Variants in THRAP3 observed in about 807,000 individuals in gnomAD.
The protein encoded by THRAP3 is thyroid hormone receptor-associated protein 3.
Under a neutral mutation model 101.0 loss-of-function variants are expected in THRAP3, and 16 were observed. That is an observed-to-expected ratio of 0.16 (90% CI 0.11 to 0.24). THRAP3 has a LOEUF of 0.24. Ranked by LOEUF, THRAP3 falls within the 10% of genes least tolerant of loss-of-function variation. THRAP3 has a pLI of 1.00. For synonymous variants in THRAP3, 407 were observed against 422.6 expected (o/e 0.96, Z 0.45); for missense variants, 989 against 1,202.7 (o/e 0.82, Z 2.63).
At chr1:36,268,810 C>A (rs756564723) in intron 2 of THRAP3, among the ~76,000 whole-genome samples, 1 of 151,834 alleles carries the variant, frequency 6.6e-6, no homozygotes, top group Non-Finnish European at 1.5e-5. Flanking sequence ...ACTGCAAGCT[C>A]CACCTCCCAG....
At chr1:36,253,507 A>G (rs1040661932) in intron 1 of THRAP3, among the ~76,000 whole-genome samples, 19 of 152,174 alleles carry the variant, frequency 1.2e-4, no homozygotes, top group Non-Finnish European at 2.4e-4. Context: ...AAGTAATTTG[A>G]CATTTCTTGA....
chr1:36,258,366 A>G (rs1645402385), intron 1 of THRAP3, among the ~76,000 whole-genome samples: 1 of 152,226 alleles, frequency 6.6e-6, no homozygotes, highest in Non-Finnish European at 1.5e-5. Flanking sequence ...TGAGTTTTTT[A>G]AAGTGCTATA....
upstream of THRAP3, among the ~76,000 whole-genome samples, chr1:36,220,997 A>G (rs1349511921): frequency 7.1e-6 from 1 of 140,220 alleles, no homozygotes; most frequent in Non-Finnish European, 1.5e-5. Context: ...ATATATATAT[A>G]TAGTGAGACC....
rs1204566895 is a variant in THRAP3 at position 36,282,173 on chromosome 1, A to C, written c.-31-360A>C. ...CCTGGACTTAAGCAGTCCTCCTCCT[A>C]CCTTGGCCTCCCAGTGCACTGGGAT... On this transcript the variant is annotated intron_variant, in intron 2 of 11. Transcript: ENST00000354618. Among the ~76,000 whole-genome samples the C allele has an allele frequency of 2.0e-5, 3 of 151,114 alleles. No individual in the cohort carries two copies. The East Asian group carries it at 5.9e-4, about 30-fold the overall frequency.
At chr1:36,221,012 C>T (rs1644900868), upstream of THRAP3, among the ~76,000 whole-genome samples, 1 of 129,460 alleles carries the variant, frequency 7.7e-6, no homozygotes, top group African/African-American at 3.0e-5. Context: ...GAGACCTCAT[C>T]TCTACAAAAT....
chr1:36,279,082 G>A (rs572134414), intron 2 of THRAP3, among the ~76,000 whole-genome samples: 21 of 152,276 alleles, frequency 1.4e-4, no homozygotes, highest in African/African-American at 4.6e-4. Flanking sequence ...AGCTTAATAT[G>A]TGCAGAATTG....
At chr1:36,245,197 C>T (rs186324220) in intron 1 of THRAP3, among the ~76,000 whole-genome samples, 142 of 148,080 alleles carry the variant, frequency 9.6e-4, no homozygotes, top group Middle Eastern at 6.8e-3. Context: ...GACAGAATCT[C>T]ACTCTGTTGC....
At chr1:36,237,919 T>C (rs1342391906) in intron 1 of THRAP3, among the ~76,000 whole-genome samples, 1 of 152,170 alleles carries the variant, frequency 6.6e-6, no homozygotes, top group Non-Finnish European at 1.5e-5. Context: ...ACTCCTGAGC[T>C]TAAGTGATCT....
chr1:36,278,438 T>C (rs932921159), intron 2 of THRAP3, among the ~76,000 whole-genome samples: 12 of 152,148 alleles, frequency 7.9e-5, no homozygotes, highest in African/African-American at 2.7e-4. Context: ...AAAACGCATC[T>C]GTTTTCAAGA....
chr1:36,217,823 G>T, the THRAP3 span, among the ~76,000 whole-genome samples: 1 of 152,072 alleles, frequency 6.6e-6, no homozygotes, highest in African/African-American at 2.4e-5. Context: ...TCCACCAACT[G>T]GCCATTCCCT....
intron 2 of THRAP3, among the ~76,000 whole-genome samples, chr1:36,262,493 T>C (rs1230676283): frequency 6.6e-6 from 1 of 152,244 alleles, no homozygotes; most frequent in Non-Finnish European, 1.5e-5. Flanking sequence ...GATGATTTGA[T>C]CTTAAAAAGA....
chr1:36,256,210 G>A (rs4422970), intron 1 of THRAP3, among the ~76,000 whole-genome samples: 90,486 of 139,082 alleles, frequency 0.65, 29,766 homozygotes, highest in East Asian at 0.9. Context: ...TATTATTATT[G>A]TTATTATTGT....
rs1404805622 is a variant in THRAP3 at position 36,224,476 on chromosome 1, C to G, written c.-164C>G. On this transcript the variant is annotated 5_prime_UTR_variant, in exon 1 of 12. Coordinates refer to ENST00000354618, the MANE Select transcript of THRAP3 (RefSeq NM_005119.4). ...TTCGGGCTGGTTGTTCCGTTGCGAG[C>G]TGCAGCTGCGATCTCTGTGGTAGGC... 2 of 152,962 alleles carry G rather than the reference C, an allele frequency of 1.3e-5. No homozygotes were observed. Among genetic ancestry groups the G allele is most frequent in the Non-Finnish European group, 2.9e-5 (2 of 68,476 alleles). The allele number at this position is 152,962 out of a possible 1,614,324, so 9.5% of individuals were successfully genotyped here.
intron 2 of THRAP3, among the ~76,000 whole-genome samples, chr1:36,269,633 G>A (rs1302543390): frequency 6.6e-6 from 1 of 152,132 alleles, no homozygotes; most frequent in Non-Finnish European, 1.5e-5. Flanking sequence ...TTGTGCAGTG[G>A]AGCAATCATT....
chr1:36,260,524 CATTA>C (rs776388542), intron 2 of THRAP3, among the ~76,000 whole-genome samples: 18 of 152,214 alleles, frequency 1.2e-4, no homozygotes, highest in Non-Finnish European at 2.1e-4. Flanking sequence ...CACATGCCAA[CATTA>C]ATTGTCACTC....
chr1:36,248,784 G>T (rs1333884679), intron 1 of THRAP3, among the ~76,000 whole-genome samples: 1 of 151,848 alleles, frequency 6.6e-6, no homozygotes, highest in African/African-American at 2.4e-5. Context: ...ATTATCTTGG[G>T]GCTCAAACTT....
chr1:36,251,319 A>T (rs911263680), intron 1 of THRAP3, among the ~76,000 whole-genome samples: 1 of 152,200 alleles, frequency 6.6e-6, no homozygotes, highest in Admixed American at 6.5e-5. Context: ...AGTCTGATCT[A>T]CTGGACCGGG....
In THRAP3 at chr1:36,258,693, A is replaced by G. The variant is rs946280490; in HGVS notation, c.-134-689A>G. Among the ~76,000 whole-genome samples, 7 of 152,002 alleles carry G rather than the reference A, an allele frequency of 4.6e-5. No homozygotes were observed. In the East Asian group the frequency reaches 1.4e-3, roughly 30 times the overall value. Reference sequence around the variant, plus strand: ...ACGGGATTCCACCATATTAGCCAGGATGATCTCGATCTCCTGACCTCGTGA... The same window carrying G: ...ACGGGATTCCACCATATTAGCCAGGGTGATCTCGATCTCCTGACCTCGTGA... On this transcript the variant is annotated intron_variant, in intron 1 of 11. Transcript: ENST00000354618.
upstream of THRAP3, among the ~76,000 whole-genome samples, chr1:36,220,351 A>C (rs1644895878): frequency 1.3e-5 from 2 of 152,162 alleles, no homozygotes; most frequent in African/African-American, 2.4e-5. Flanking sequence ...TGGATAAAAG[A>C]GTAATTTTGA....
Sources: allele counts gnomAD v4.1 joint callset (sites outside exome capture counted in the v4.1 genomes callset), GRCh38; gene constraint gnomAD v4.1.1; transcripts MANE v1.5; gene names NCBI Gene and HGNC (gene_info 2026-07-23, HGNC 2026-07-21).